The following ATP2C2 variants were observed in gnomAD, a reference collection of about 807,000 sequenced individuals.
ATP2C2 encodes calcium-transporting ATPase type 2C member 2.
A neutral mutation model predicts 110.8 loss-of-function variants in ATP2C2; 171 were observed. The ratio of observed to expected loss-of-function variants is 1.54; its 90% CI spans 1.36 to 1.75. The LOEUF (loss-of-function observed/expected upper bound fraction) is 1.75. ATP2C2 is among the 40% of genes most tolerant of loss of function. The probability of loss-of-function intolerance (pLI) is 0.00; values close to 1 mark genes in which losing one functional copy is unlikely to be tolerated. For missense variants in ATP2C2, 1,963 were observed against 1,235.0 expected, an observed-to-expected ratio of 1.59 and a Z score of -8.84; for synonymous variants, 804 against 508.4, an observed-to-expected ratio of 1.58 and a Z score of -7.82.
At position 84,459,307 on chromosome 16, in the gene ATP2C2, G is replaced by C; in HGVS notation, c.2254G>C (p.Val752Leu). The C allele has an allele frequency of 1.9e-6, 3 of 1,614,180 alleles. No homozygotes were observed. The highest frequency in any genetic ancestry group is 2.5e-6 in the Non-Finnish European group (3 of 1,180,024). ...SALSLITLST[V>L]FNLPSPLNAM... ...CCTGAGTCTCATCACTCTGTCCACCGTGTTCAACCTGCCCAGCCCCCTCAA... is the reference window on the plus strand; with the variant it reads ...CCTGAGTCTCATCACTCTGTCCACCCTGTTCAACCTGCCCAGCCCCCTCAA... The change falls in exon 23 of 27, where the codon GTG (valine) becomes CTG (leucine). Residue 752 changes from valine (V) to leucine (L), a missense_variant. Transcript: ENST00000262429.
intron 1 of ATP2C2, among the ~76,000 whole-genome samples, chr16:84,374,535 C>G (rs949353074): frequency 6.6e-6 from 1 of 152,290 alleles, no homozygotes; most frequent in East Asian, 1.9e-4. Flanking sequence ...CCCGGAAACC[C>G]TGCCCCCAAT....
intron 17 of ATP2C2, 138 bp downstream of exon 17, chr16:84,448,827 G>T: frequency 2.5e-6 from 3 of 1,188,420 alleles, no homozygotes; most frequent in South Asian, 1.6e-5. Flanking sequence ...AATAATGTGT[G>T]CTTGGAACCT....
At chr16:84,430,915 C>A (rs35813774) in intron 11 of ATP2C2, among the ~76,000 whole-genome samples, 2 of 151,836 alleles carry the variant, frequency 1.3e-5, no homozygotes, top group Non-Finnish European at 2.9e-5. Context: ...ACCCCCCCAC[C>A]TCAGCAGGAT....
chr16:84,459,750 C>A (rs1452399594), intron 23 of ATP2C2: 3 of 642,920 alleles, frequency 4.7e-6, no homozygotes, highest in Non-Finnish European at 8.0e-6. Flanking sequence ...GTATTTTTCC[C>A]TAGAGAGGAA....
chr16:84,398,659 TAAAAG>T, intron 2 of ATP2C2, 50 bp downstream of exon 2: 1 of 1,450,046 alleles, frequency 6.9e-7, no homozygotes, highest in Non-Finnish European at 9.5e-7. Flanking sequence ...GTTTTATGTT[TAAAAG>T]AAAGCAACAC....
chr16:84,432,975 C>G (rs981476343), intron 11 of ATP2C2, among the ~76,000 whole-genome samples: 2 of 152,216 alleles, frequency 1.3e-5, no homozygotes, highest in African/African-American at 4.8e-5. Flanking sequence ...GAACAGCATT[C>G]TCAGGTGACT....
Position 84,398,438 on chromosome 16 carries a change from T to C in ATP2C2, c.100-61T>C, listed in dbSNP as rs1047437267. 8 of 1,001,808 alleles carry C rather than the reference T, an allele frequency of 8.0e-6. No homozygotes were observed. In the African/African-American group the frequency reaches 1.2e-4, roughly 15 times the overall value. 62.1% of individuals were successfully genotyped at this position (1,001,808 alleles called of 1,614,324 possible). Reference sequence around the variant, plus strand: ...TAAACTAATAAAAATAAAAAATAAATTTAAAAATTAATCAGTACAAAAGTT... The same window carrying C: ...TAAACTAATAAAAATAAAAAATAAACTTAAAAATTAATCAGTACAAAAGTT... On this transcript the variant is annotated intron_variant, in intron 1 of 26. Coordinates refer to ENST00000262429, the MANE Select transcript of ATP2C2 (RefSeq NM_014861.4).
At chr16:84,375,398 G>A (rs974864289) in intron 1 of ATP2C2, among the ~76,000 whole-genome samples, 14 of 152,092 alleles carry the variant, frequency 9.2e-5, no homozygotes, top group South Asian at 2.1e-4. Context: ...AAAATTGGCC[G>A]GGTGTGGTGG....
rs553748664 is a variant in ATP2C2, at chr16:84,410,741, A to G, written c.491A>G (p.Lys164Arg). 5 of 1,614,168 alleles carry G rather than the reference A, an allele frequency of 3.1e-6. No individual in the cohort carries two copies. The South Asian group carries it at 4.4e-5, about 14-fold the overall frequency. The change falls in exon 6 of 27, where the codon AAG becomes AGG. Residue 164 changes from lysine (K) to arginine (R), a missense_variant. Physicochemically the swap from Lys to Arg is conservative, Grantham distance 26. Transcript: ENST00000262429. ...GAGAAATCTCTGGAAGAGCTGACCA[A>G]GCTGGTTCCTCCAGAATGTAACTGG... The part of the protein sequence containing the change: ...RSEKSLEELT[K>R]LVPPECNCLR...
rs187617983 is a variant in ATP2C2 at position 84,430,494 on chromosome 16, A to C, written c.986+4693A>C. Reference sequence around the variant, plus strand: ...CATCTGTACTAAAAATACAAAAATCAGCTAGGCGTGGTGGCACGTGCCTAT... The same window carrying C: ...CATCTGTACTAAAAATACAAAAATCCGCTAGGCGTGGTGGCACGTGCCTAT... On this transcript the variant is annotated intron_variant, in intron 11 of 26. Transcript: ENST00000262429. Among the ~76,000 whole-genome samples the C allele has an allele frequency of 3.6e-3, 552 of 152,248 alleles. 3 individuals carry two copies. Among genetic ancestry groups the C allele is most frequent in the African/African-American group, 0.012 (518 of 41,540 alleles).
intron 7 of ATP2C2, 85 bp downstream of exon 7, chr16:84,415,676 GTC>G (rs757378041): frequency 9.1e-7 from 1 of 1,101,994 alleles, no homozygotes; most frequent in Non-Finnish European, 1.3e-6. Context: ...GGCATGTATA[GTC>G]TCTCTCATAC....
At chr16:84,446,941 G>A (rs993950616) in intron 16 of ATP2C2, among the ~76,000 whole-genome samples, 4 of 152,108 alleles carry the variant, frequency 2.6e-5, no homozygotes, top group Admixed American at 1.3e-4. Context: ...CCTTCAGTAC[G>A]GAAGGCGTGT....
In ATP2C2 at chr16:84,448,673, G is replaced by A. The variant is rs62640930; in HGVS notation, c.1644G>A (p.Gly548=). The A allele has an allele frequency of 3.2e-3, 5,112 of 1,613,168 alleles. 18 individuals are homozygous for A. Among genetic ancestry groups the A allele is most frequent in the Middle Eastern group, 4.5e-3 (27 of 6,048 alleles). Residue 548 remains glycine (G), a synonymous_variant, in exon 17 of 27, where the codon GGG becomes GGA. Coordinates refer to ENST00000262429, the MANE Select transcript of ATP2C2 (RefSeq NM_014861.4). The part of the protein sequence containing the change: ...SFCLQEEKRM[G]SLGLRVLALA... ...GCCTGCAGGAAGAGAAGAGGATGGGGTCGCTCGGTTTGCGGGGTCAGTGCC... is the reference window on the plus strand; with the variant it reads ...GCCTGCAGGAAGAGAAGAGGATGGGATCGCTCGGTTTGCGGGGTCAGTGCC...
At chr16:84,412,904 T>C (rs1273860987) in intron 6 of ATP2C2, among the ~76,000 whole-genome samples, 3 of 151,520 alleles carry the variant, frequency 2.0e-5, no homozygotes, top group Non-Finnish European at 4.4e-5. Flanking sequence ...AAGACCAGCC[T>C]GGCCAACATG....
intron 4 of ATP2C2, among the ~76,000 whole-genome samples, chr16:84,409,442 A>C (rs1906073713): frequency 6.6e-6 from 1 of 152,168 alleles, no homozygotes; most frequent in Non-Finnish European, 1.5e-5. Flanking sequence ...TAGAACTTAA[A>C]GTATAACAAG....
Position 84,440,875 on chromosome 16 carries a change from G to C in ATP2C2, c.1228G>C (p.Asp410His). 6.2e-7 allele frequency: 1 copy of C among 1,613,434 alleles called. No homozygotes were observed. The highest frequency in any genetic ancestry group is 8.5e-7 in the Non-Finnish European group (1 of 1,179,910). Residue 410 changes from aspartate to histidine, a missense_variant, in exon 14 of 27, where the codon GAC (aspartate) becomes CAC (histidine). Coordinates refer to ENST00000262429, the MANE Select transcript of ATP2C2 (RefSeq NM_014861.4). ...CCTGCAGGTCAGCGGAGTTGGGTAT[G>C]ACGGTCAAGGGACTGTGTGTCTTCT... ...LRAEVSGVGY[D>H]GQGTVCLLPS... is the part of the protein sequence containing the mutation.
chr16:84,444,714 G>A (rs979361332), intron 15 of ATP2C2, among the ~76,000 whole-genome samples: 6 of 152,166 alleles, frequency 3.9e-5, no homozygotes, highest in Non-Finnish European at 5.9e-5. Context: ...GCCTAGAGAG[G>A]AGAGAGGTTC....
chr16:84,449,301 C>A (rs1398323864), intron 17 of ATP2C2, among the ~76,000 whole-genome samples: 1 of 152,230 alleles, frequency 6.6e-6, no homozygotes, highest in Non-Finnish European at 1.5e-5. Flanking sequence ...GGCAGGCTTG[C>A]TCAGAGGTGT....
At chr16:84,435,124 G>C (rs1390565269) in intron 11 of ATP2C2, among the ~76,000 whole-genome samples, 1 of 152,180 alleles carries the variant, frequency 6.6e-6, no homozygotes, top group Non-Finnish European at 1.5e-5. Context: ...CAAACTGCCT[G>C]TTTTGTAATT....
Sources: gnomAD v4.1 joint callset for allele counts (sites outside exome capture counted in the v4.1 genomes callset) on GRCh38, gnomAD v4.1.1 for gene constraint, MANE v1.5 for transcripts, NCBI Gene and HGNC (gene_info 2026-07-23, HGNC 2026-07-21) for gene names.